The following FLNA variants were observed in gnomAD, a reference collection of about 807,000 sequenced individuals.
FLNA encodes the protein filamin A.
A neutral mutation model predicts 157.6 loss-of-function variants in FLNA; 7 were observed. That is an observed-to-expected ratio of 0.04 (90% confidence interval 0.03 to 0.08). The LOEUF (loss-of-function observed/expected upper bound fraction) is 0.08, where lower values mean the gene tolerates loss of function less well. Among genes scored for constraint, FLNA ranks in the 10% least tolerant of loss-of-function variants. The probability of loss-of-function intolerance (pLI) is 1.00; values close to 1 mark genes in which losing one functional copy is unlikely to be tolerated. For synonymous variants in FLNA, 1,103 were observed against 1,060.8 expected (o/e 1.04, Z -0.77); for missense variants, 1,750 against 2,398.4 (o/e 0.73, Z 5.65).
At position 154,348,720 on chromosome X, in the gene FLNA, C is replaced by T; in HGVS notation, c.*129G>A. 1.7e-6 allele frequency: 1 copy of T among 597,298 alleles called. No individual in the cohort carries two copies. Among genetic ancestry groups the T allele is most frequent in the Non-Finnish European group, 2.6e-6 (1 of 386,127 alleles). The allele number at this position is 597,298 out of a possible 1,213,427, so 49.2% of individuals were successfully genotyped here. A position where few individuals can be genotyped will look rare whatever the true frequency, so the allele number is the denominator to read the frequency against. Reference sequence around the variant, plus strand: ...GGAGGCAGGTGAGCGCAGCACGGCACAGGGCAGGGGCGGCTGCAGTGACAG... The same window carrying T: ...GGAGGCAGGTGAGCGCAGCACGGCATAGGGCAGGGGCGGCTGCAGTGACAG... On this transcript the variant is annotated 3_prime_UTR_variant, in exon 48 of 48. Coordinates refer to ENST00000369850, the MANE Select transcript of FLNA (RefSeq NM_001110556.2).
Position 154,361,421 on chromosome X carries a change from G to A in FLNA, c.3094C>T (p.Arg1032Cys), listed in dbSNP as rs782546714. 3.0e-5 allele frequency: 36 copies of A among 1,208,646 alleles called. No homozygotes were observed. The highest frequency in any genetic ancestry group is 3.8e-5 in the Non-Finnish European group (34 of 894,895). ...PGLGADNSVV[R>C]FLPREEGPYE... ...GGCCCTTCCTCACGGGGCAGGAAGCGCACCACACTGTTGTCAGCCCCCAGG... is the reference window on the plus strand; with the variant it reads ...GGCCCTTCCTCACGGGGCAGGAAGCACACCACACTGTTGTCAGCCCCCAGG... Residue 1032 changes from arginine to cysteine, a missense_variant, in exon 21 of 48, where the codon CGC (arginine) becomes TGC (cysteine). Transcript: ENST00000369850.
chrX:154,350,703 A>G lies in FLNA; in HGVS notation c.7156+206T>C. 6.6e-6 allele frequency: 3 copies of G among 453,767 alleles called. No homozygotes were observed. In the South Asian group the frequency reaches 9.0e-5, roughly 14 times the overall value. 37.4% of individuals were successfully genotyped at this position (453,767 alleles called of 1,213,427 possible). Reference sequence around the variant, plus strand: ...CCCTGTGGAGATGGCATGGTACTGCAGGGTAGAAGGCCTTCCTAATAGCTG... The same window carrying G: ...CCCTGTGGAGATGGCATGGTACTGCGGGGTAGAAGGCCTTCCTAATAGCTG... On this transcript the variant is annotated intron_variant, in intron 44 of 47. Coordinates refer to ENST00000369850, the MANE Select transcript of FLNA (RefSeq NM_001110556.2).
At position 154,349,737 on chromosome X, in the gene FLNA, G is replaced by T. The variant is rs1337021812; in HGVS notation, c.7464C>A (p.Thr2488=). 3 of 1,210,727 alleles carry T rather than the reference G, an allele frequency of 2.5e-6. No individual in the cohort carries two copies. The highest frequency in any genetic ancestry group is 3.4e-6 in the Non-Finnish European group (3 of 895,272). The change falls in exon 46 of 48, where the codon ACC becomes ACA. Residue 2488 remains threonine (T), a synonymous_variant. Coordinates refer to ENST00000369850, the MANE Select transcript of FLNA (RefSeq NM_001110556.2). The stretch of plus-strand genomic sequence containing the variant: ...TGAGGTAGCTGCCAGGTGCCATGGG[G>T]GTATAGGTGACGCGGTAGCCCTCAG... The part of the protein sequence containing the change: ...ECPEGYRVTY[T]PMAPGSYLIS...
chrX:154,374,060 G>A (rs953652296), intron 1 of FLNA, among the ~76,000 whole-genome samples: 2 of 112,554 alleles, frequency 1.8e-5, no homozygotes, highest in Admixed American at 1.9e-4. Flanking sequence ...CTGGTGCCCT[G>A]TGGACTCGAG....
At chrX:154,367,366 C>G in intron 5 of FLNA, 31 bp downstream of exon 5, 1 of 1,207,241 alleles carries the variant, frequency 8.3e-7, no homozygotes, top group Non-Finnish European at 1.1e-6. Context: ...GACGTTGGCA[C>G]ACGGGTGCAC....
intron 21 of FLNA, 125 bp from the exon 22 acceptor site, chrX:154,360,712 G>A (rs1365389551): frequency 1.8e-5 from 11 of 611,832 alleles, no homozygotes; most frequent in Non-Finnish European, 2.5e-6. Flanking sequence ...ACACGGGCGG[G>A]CCCAGGCTGC....
At chrX:154,370,732 C>T in intron 2 of FLNA, 141 bp downstream of exon 2, 2 of 670,058 alleles carry the variant, frequency 3.0e-6, no homozygotes, top group South Asian at 2.9e-5. Context: ...TCTGCAGGCC[C>T]GCGTGGAGCA....
Position 154,359,070 on chromosome X carries a change from A to G in FLNA, c.4388T>C (p.Val1463Ala), listed in dbSNP as rs2067684009. The G allele has an allele frequency of 3.3e-6, 4 of 1,211,191 alleles. No individual in the cohort carries two copies. Among genetic ancestry groups the G allele is most frequent in the Non-Finnish European group, 4.5e-6 (4 of 895,328 alleles). ...GAAGGACTGAGGGAGGTTGGCACGA[A>G]CCATGCCTGGGCTCAGGCCGGGCCC... ...CSGPGLSPGM[V>A]RANLPQSFQV... Residue 1463 changes from valine (V) to alanine (A), a missense_variant, in exon 26 of 48, where the codon GTT becomes GCT. Transcript: ENST00000369850.
At chrX:154,353,818 C>A in intron 35 of FLNA, 91 bp from the exon 36 acceptor site, 1 of 1,192,448 alleles carries the variant, frequency 8.4e-7, no homozygotes, top group Admixed American at 2.2e-5. Context: ...GGCAGCAGGG[C>A]AGGGAGCCCC....
rs782502578 is a variant in FLNA at position 154,371,534 on chromosome X, G to C, written c.-116-173C>G. ...GTTCGGCTGATCAGACGCGAAACCC[G>C]GGCTCCAGGGTGGGTCGCTGGGCAG... On this transcript the variant is annotated intron_variant, in intron 1 of 47. Coordinates refer to ENST00000369850, the MANE Select transcript of FLNA (RefSeq NM_001110556.2). Among the ~76,000 whole-genome samples the C allele has an allele frequency of 1.2e-4, 13 of 110,372 alleles. No individual in the cohort carries two copies. The East Asian group carries it at 2.4e-3, about 21-fold the overall frequency.
chrX:154,365,988 A>G (rs782512077), intron 9 of FLNA, 36 bp downstream of exon 9: 2 of 1,145,041 alleles, frequency 1.7e-6, no homozygotes, highest in East Asian at 6.0e-5. Flanking sequence ...CCCAGACTGC[A>G]GTGCCACAGC....
Position 154,368,256 on chromosome X carries a change from G to T in FLNA, c.374-166C>A, listed in dbSNP as rs142342229. On this transcript the variant is annotated intron_variant, in intron 2 of 47. Transcript: ENST00000369850. ...GTGGATGAGGCCCTCTCTGCCCAGG[G>T]TCCCAGGGGGTGTTCAGAGGTGAAG... Among the ~76,000 whole-genome samples, 5,285 of 111,114 alleles carry T rather than the reference G, an allele frequency of 0.048. 323 individuals carry two copies. The highest frequency in any genetic ancestry group is 0.16 in the African/African-American group (4,988 of 30,386).
Position 154,348,665 on chromosome X carries a change from G to T in FLNA, c.*184C>A. The T allele has an allele frequency of 2.4e-6, 1 of 423,374 alleles. No individual in the cohort carries two copies. The highest frequency in any genetic ancestry group is 4.0e-6 in the Non-Finnish European group (1 of 248,661). The allele number at this position is 423,374 out of a possible 1,213,427, so 34.9% of individuals were successfully genotyped here. A position where few individuals can be genotyped will look rare whatever the true frequency, so the allele number is the denominator to read the frequency against. On this transcript the variant is annotated 3_prime_UTR_variant, in exon 48 of 48. Coordinates refer to ENST00000369850, the MANE Select transcript of FLNA (RefSeq NM_001110556.2). ...CCACCAAATGGCTCCCTCTGCCCAA[G>T]TGAAAGCCGAGAGGTCAGCGGCTGG...
chrX:154,362,185 C>G, intron 18 of FLNA, 37 bp from the exon 19 acceptor site: 3 of 1,209,162 alleles, frequency 2.5e-6, no homozygotes, highest in Non-Finnish European at 3.4e-6. Context: ...GGGCACCCTG[C>G]CCCAAGCCCT....
At position 154,350,893 on chromosome X, in the gene FLNA, AGGGAC is replaced by A. The variant is rs1064794726; in HGVS notation, c.7156+11_7156+15del. ...AGCCAGCAGGGCAGGGCGGCCGGGC[AGGGAC>A]AGGGCCTCACCTTGGTCAATTTCTG... On this transcript the variant is annotated intron_variant, in intron 44 of 47. Transcript: ENST00000369850. The A allele has an allele frequency of 4.1e-6, 5 of 1,208,245 alleles. No individual in the cohort carries two copies. Among genetic ancestry groups the A allele is most frequent in the Middle Eastern group, 4.6e-4 (2 of 4,374 alleles).
rs398123618 is a variant in FLNA, at chrX:154,359,286, G to A, written c.4263C>T (p.Thr1421=). The change falls in exon 25 of 48, where the codon ACC becomes ACT. Residue 1421 remains threonine (T), a synonymous_variant. Transcript: ENST00000369850. ...CACCATAGGTGACGTTGAGGCTGTA[G>A]GTGCCAGCCTCATAAGGGATGTACT... ...SVEYIPYEAG[T]YSLNVTYGGH... 1.5e-5 allele frequency: 18 copies of A among 1,209,900 alleles called. No individual in the cohort carries two copies. In the African/African-American group the frequency reaches 2.1e-4, roughly 14 times the overall value.
intron 2 of FLNA, 46 bp downstream of exon 2, chrX:154,370,827 C>G (rs1372624944): frequency 5.9e-6 from 7 of 1,191,489 alleles, no homozygotes; most frequent in Non-Finnish European, 7.9e-6. Flanking sequence ...GAAGGACGCA[C>G]GGAGTCCCCG....
chrX:154,356,182 G>A (rs927602613), intron 30 of FLNA, among the ~76,000 whole-genome samples: 1 of 111,914 alleles, frequency 8.9e-6, no homozygotes, highest in Non-Finnish European at 1.9e-5. Context: ...TTCCCTGCCC[G>A]GCTCCCAGCC....
rs1011374425 is a variant in FLNA, at chrX:154,366,011, G to C, written c.1429+13C>G. The C allele has an allele frequency of 5.9e-6, 7 of 1,190,976 alleles. No homozygotes were observed. In the African/African-American group the frequency reaches 1.2e-4, roughly 21 times the overall value. ...GCAGTGCCACAGCAGAGGGCAGTCA[G>C]GGCCGGGCCTACCTTGGCCAACAGT... On this transcript the variant is annotated intron_variant, in intron 9 of 47. Coordinates refer to ENST00000369850, the MANE Select transcript of FLNA (RefSeq NM_001110556.2).
Sources: allele counts gnomAD v4.1 joint callset (sites outside exome capture counted in the v4.1 genomes callset), GRCh38; gene constraint gnomAD v4.1.1; transcripts MANE v1.5; gene names NCBI Gene and HGNC (gene_info 2026-07-23, HGNC 2026-07-21).